ZYG11A: variants seen among roughly 807,000 people sequenced by gnomAD.
The protein encoded by ZYG11A is zyg-11 family member A, cell cycle regulator, also known as protein zyg-11 homolog A.
ZYG11A carries 62 observed loss-of-function variants against 77.2 expected under a neutral mutation model. The observed-to-expected ratio is 0.80, with a 90% CI of 0.65 to 0.99. The LOEUF (loss-of-function observed/expected upper bound fraction) is 0.99. Among genes scored for constraint, ZYG11A ranks in the 50% least tolerant of loss-of-function variants. The pLI is 0.00. For missense variants in ZYG11A, 828 were observed against 896.8 expected (o/e 0.92, Z 0.98); for synonymous variants, 315 against 324.6 (o/e 0.97, Z 0.32).
At chr1:52,882,300 A>G (rs935097548) in intron 11 of ZYG11A, among the ~76,000 whole-genome samples, 3 of 152,068 alleles carry the variant, frequency 2.0e-5, no homozygotes, top group Non-Finnish European at 4.4e-5. Context: ...TCTTTTTCTC[A>G]CTGTTTCTAT....
Position 52,878,046 on chromosome 1 carries a change from T to C in ZYG11A, c.1749+77T>C, listed in dbSNP as rs965043820. 13 of 1,202,432 alleles carry C rather than the reference T, an allele frequency of 1.1e-5. No individual in the cohort carries two copies. The African/African-American group carries it at 1.8e-4, about 17-fold the overall frequency. 74.5% of individuals were successfully genotyped at this position (1,202,432 alleles called of 1,614,324 possible). The stretch of plus-strand genomic sequence containing the variant: ...CACTTATATAGTACCTACTATATGC[T>C]AGGCAGTATTGTAAGCAATTTACAT... On this transcript the variant is annotated intron_variant, in intron 10 of 13. Coordinates refer to ENST00000371528, the MANE Select transcript of ZYG11A (RefSeq NM_001004339.3).
At chr1:52,891,774 G>A (rs1296051051) in intron 13 of ZYG11A, among the ~76,000 whole-genome samples, 2 of 151,830 alleles carry the variant, frequency 1.3e-5, no homozygotes, top group African/African-American at 2.4e-5. Flanking sequence ...TCTTTCTGCC[G>A]CAGGCTAAGC....
chr1:52,867,775 AAGGT>A lies in ZYG11A; in HGVS notation c.1542+3_1542+6del. Reference sequence around the variant, plus strand: ...GCTTGAAGAGCTTTTCATGGCAGTTAAGGTAGGTTCCTTGTCATGTTCATAACCT... The same window carrying A: ...GCTTGAAGAGCTTTTCATGGCAGTTAAGGTTCCTTGTCATGTTCATAACCT... On this transcript the variant is annotated splice_donor_variant and coding_sequence_variant, in exon 8 of 14. Coordinates refer to ENST00000371528, the MANE Select transcript of ZYG11A (RefSeq NM_001004339.3). LOFTEE classifies it high-confidence loss of function. The A allele has an allele frequency of 6.4e-7, 1 of 1,551,348 alleles. No homozygotes were observed.
At chr1:52,862,608 G>T (rs543538166) in intron 4 of ZYG11A, among the ~76,000 whole-genome samples, 1 of 152,172 alleles carries the variant, frequency 6.6e-6, no homozygotes, top group Non-Finnish European at 1.5e-5. Context: ...CACTGCGCCC[G>T]GCAAGCCCAG....
intron 13 of ZYG11A, among the ~76,000 whole-genome samples, chr1:52,890,249 GTTTTTTT>G (rs908467307): frequency 9.8e-5 from 7 of 71,672 alleles, no homozygotes; most frequent in Non-Finnish European, 1.7e-4. Flanking sequence ...TTTTCTTTTA[GTTTTTTT>G]TTTTTTTTTT....
chr1:52,882,698 G>A (rs1646382118), intron 11 of ZYG11A, among the ~76,000 whole-genome samples: 2 of 152,288 alleles, frequency 1.3e-5, no homozygotes, highest in South Asian at 4.2e-4. Context: ...ATTTAAAAAT[G>A]TTTGCTTCAT....
At position 52,842,852 on chromosome 1, in the gene ZYG11A, T is replaced by C. The variant is rs1645473900; in HGVS notation, c.-32T>C. The C allele has an allele frequency of 1.3e-6, 2 of 1,524,362 alleles. No homozygotes were observed. Among genetic ancestry groups the C allele is most frequent in the Non-Finnish European group, 1.8e-6 (2 of 1,134,848 alleles). 94.4% of individuals were successfully genotyped at this position (1,524,362 alleles called of 1,614,324 possible). A position where few individuals can be genotyped will look rare whatever the true frequency, so the allele number is the denominator to read the frequency against. On this transcript the variant is annotated 5_prime_UTR_variant, in exon 1 of 14. Coordinates refer to ENST00000371528, the MANE Select transcript of ZYG11A (RefSeq NM_001004339.3). Reference sequence around the variant, plus strand: ...ATCCGGGCTCCGGCTCGACGCCGGCTCTCTTTTTGACGCCCCGCCGCCGGG... The same window carrying C: ...ATCCGGGCTCCGGCTCGACGCCGGCCCTCTTTTTGACGCCCCGCCGCCGGG...
At chr1:52,874,953 G>C (rs1382798152) in intron 8 of ZYG11A, among the ~76,000 whole-genome samples, 1 of 152,206 alleles carries the variant, frequency 6.6e-6, no homozygotes, top group Non-Finnish European at 1.5e-5. Context: ...GCTTTTGTAT[G>C]CAGTGGGAAA....
At chr1:52,854,268 A>T (rs1645766519) in intron 1 of ZYG11A, among the ~76,000 whole-genome samples, 197 bp from the exon 2 acceptor site, 1 of 152,190 alleles carries the variant, frequency 6.6e-6, no homozygotes, top group South Asian at 2.1e-4. Flanking sequence ...TGTACAACAG[A>T]AAGGACAACA....
chr1:52,854,389 G>A (rs1645768618), intron 1 of ZYG11A, 76 bp from the exon 2 acceptor site: 3 of 1,355,234 alleles, frequency 2.2e-6, no homozygotes, highest in African/African-American at 1.4e-5. Context: ...AGTGGAATAG[G>A]TATGGCATGA....
Position 52,857,742 on chromosome 1 carries a change from G to T in ZYG11A, c.1001G>T (p.Gly334Val), listed in dbSNP as rs1455418921. The change falls in exon 3 of 14, where the codon GGC (glycine) becomes GTC (valine). Residue 334 changes from glycine (G) to valine (V), a missense_variant. Gly to Val is a moderately radical substitution (Grantham distance 109, BLOSUM62 -3). Coordinates refer to ENST00000371528, the MANE Select transcript of ZYG11A (RefSeq NM_001004339.3). ...GSSDFFTTKQ[G>V]LRVAGGASMS... ...TCTGACTTCTTTACTACAAAGCAAG[G>T]CTTGAGGGTTTGTTCTTATCTGAAT... is the stretch of plus-strand genomic sequence containing the variant. The T allele has an allele frequency of 6.5e-7, 1 of 1,544,448 alleles. No individual in the cohort carries two copies. The highest frequency in any genetic ancestry group is 1.4e-5 in the African/African-American group (1 of 72,706).
chr1:52,863,092 G>A (rs988770079), intron 4 of ZYG11A, among the ~76,000 whole-genome samples: 3 of 152,148 alleles, frequency 2.0e-5, no homozygotes, highest in Non-Finnish European at 4.4e-5. Flanking sequence ...CTAAATTGCA[G>A]ATGATGGCAA....
At chr1:52,856,341 G>C (rs550341543) in intron 2 of ZYG11A, among the ~76,000 whole-genome samples, 48 of 151,628 alleles carry the variant, frequency 3.2e-4, no homozygotes, top group Non-Finnish European at 3.5e-4. Flanking sequence ...TGCAGTGCCT[G>C]TAGTCCCAGC....
chr1:52,843,180 G>T (rs576018473), intron 1 of ZYG11A, among the ~76,000 whole-genome samples: 3 of 142,092 alleles, frequency 2.1e-5, no homozygotes, highest in Admixed American at 1.9e-4. Context: ...GCCGCGGAGC[G>T]GGGGGTGCTT....
At chr1:52,886,165 C>A (rs1646446895) in intron 12 of ZYG11A, among the ~76,000 whole-genome samples, 1 of 152,128 alleles carries the variant, frequency 6.6e-6, no homozygotes, top group Non-Finnish European at 1.5e-5. Flanking sequence ...ATCTCCTGAC[C>A]TCGTGATCTG....
chr1:52,886,212 G>T (rs13373842), intron 12 of ZYG11A, among the ~76,000 whole-genome samples: 2 of 152,106 alleles, frequency 1.3e-5, no homozygotes, highest in Non-Finnish European at 2.9e-5. Flanking sequence ...GATTACAGGC[G>T]TGAGCCACCG....
chr1:52,879,383 G>T (rs2150016355), intron 10 of ZYG11A, among the ~76,000 whole-genome samples: 1 of 152,286 alleles, frequency 6.6e-6, no homozygotes, highest in South Asian at 2.1e-4. Flanking sequence ...TCTAGGTCCT[G>T]AACTCGTTGA....
intron 11 of ZYG11A, among the ~76,000 whole-genome samples, chr1:52,883,827 T>A (rs1646401683): frequency 6.6e-6 from 1 of 152,038 alleles, no homozygotes; most frequent in Non-Finnish European, 1.5e-5. Context: ...TTCCTAAAGT[T>A]AGGGTGATTC....
chr1:52,860,997 A>G (rs1008743076), intron 4 of ZYG11A, 126 bp downstream of exon 4: 2 of 925,956 alleles, frequency 2.2e-6, no homozygotes, highest in East Asian at 2.7e-5. Flanking sequence ...GCTCTCATAG[A>G]GCAAAGAATG....
Sources: gnomAD v4.1 joint callset for allele counts (sites outside exome capture counted in the v4.1 genomes callset) on GRCh38, gnomAD v4.1.1 for gene constraint, MANE v1.5 for transcripts, NCBI Gene and HGNC (gene_info 2026-07-23, HGNC 2026-07-21) for gene names.